UNC13B: variants seen among roughly 807,000 people sequenced by gnomAD.
UNC13B encodes the protein unc-13 homolog B, also known as protein unc-13 homolog B.
UNC13B carries 144 observed loss-of-function variants against 211.0 expected under a neutral mutation model. That is an observed-to-expected ratio of 0.68 (90% CI 0.60 to 0.78). The LOEUF (loss-of-function observed/expected upper bound fraction) is 0.78. Among genes scored for constraint, UNC13B ranks in the 30% least tolerant of loss-of-function variants. UNC13B has a pLI of 0.00. For missense variants in UNC13B, 1,777 were observed against 2,002.0 expected (o/e 0.89, Z 2.14); for synonymous variants, 709 against 725.8 (o/e 0.98, Z 0.37).
At chr9:35,327,401 C>G (rs1487006597) in intron 11 of UNC13B, among the ~76,000 whole-genome samples, 3 of 152,170 alleles carry the variant, frequency 2.0e-5, no homozygotes, top group African/African-American at 7.2e-5. Context: ...GACAGTACAG[C>G]CTTCAGTCTG....
At chr9:35,362,884 AAATAC>A (rs1833521990) in intron 11 of UNC13B, among the ~76,000 whole-genome samples, 3 of 151,990 alleles carry the variant, frequency 2.0e-5, no homozygotes, top group African/African-American at 7.2e-5. Context: ...ATTATGTGTT[AAATAC>A]CAATGAGAAG....
Position 35,307,864 on chromosome 9 carries a change from T to C in UNC13B, c.8460T>C (p.Ser2820=). 2.5e-6 allele frequency: 1 copy of C among 398,890 alleles called. No individual in the cohort carries two copies. Among genetic ancestry groups the C allele is most frequent in the Non-Finnish European group, 4.4e-6 (1 of 226,064 alleles). 24.7% of individuals were successfully genotyped at this position (398,890 alleles called of 1,614,324 possible). The part of the protein sequence containing the change: ...FKKLSTLFEG[S]SEGKGSVLAS... Reference sequence around the variant, plus strand: ...AGTTGTCAACTCTATTTGAGGGAAGTAGTGAGGGGAAAGGGAGTGTATTAG... The same window carrying C: ...AGTTGTCAACTCTATTTGAGGGAAGCAGTGAGGGGAAAGGGAGTGTATTAG... Residue 2820 remains serine, a synonymous_variant, in exon 9 of 40, where the codon AGT becomes AGC. Coordinates refer to ENST00000635942, the MANE Select transcript of UNC13B (RefSeq NM_001371189.2).
intron 1 of UNC13B, among the ~76,000 whole-genome samples, chr9:35,186,952 A>G (rs1042257887): frequency 7.2e-5 from 11 of 152,144 alleles, no homozygotes; most frequent in African/African-American, 2.7e-4. Flanking sequence ...CCCAATAAGA[A>G]GTTCTTGCAG....
Position 35,403,216 on chromosome 9 carries a change from G to A in UNC13B, c.12534G>A (p.Leu4178=), listed in dbSNP as rs769305056. 3 of 1,614,188 alleles carry A rather than the reference G, an allele frequency of 1.9e-6. No homozygotes were observed. The South Asian group carries it at 3.3e-5, about 18-fold the overall frequency. The change falls in exon 38 of 40, where the codon TTG becomes TTA. Residue 4178 remains leucine (L), a synonymous_variant. Transcript: ENST00000635942. ...PVGEVSIQVD[L]FTHPGTGEHK... Reference sequence around the variant, plus strand: ...GAGAAGTCTCTATTCAGGTGGACTTGTTTACACACCCTGGTACTGGGGAGC... The same window carrying A: ...GAGAAGTCTCTATTCAGGTGGACTTATTTACACACCCTGGTACTGGGGAGC...
intron 12 of UNC13B, among the ~76,000 whole-genome samples, chr9:35,367,820 G>A (rs1414112319): frequency 6.6e-6 from 1 of 152,202 alleles, no homozygotes; most frequent in Non-Finnish European, 1.5e-5. Flanking sequence ...AGTGTAGCCT[G>A]TAACTGACTG....
chr9:35,271,849 C>T (rs1018268101), intron 7 of UNC13B, among the ~76,000 whole-genome samples: 26 of 152,136 alleles, frequency 1.7e-4, no homozygotes, highest in Non-Finnish European at 2.6e-4. Context: ...CTACTTACAT[C>T]AAAACCATCC....
At chr9:35,255,032 A>AT (rs1290932798) in intron 6 of UNC13B, among the ~76,000 whole-genome samples, 9 of 119,368 alleles carry the variant, frequency 7.5e-5, no homozygotes, top group East Asian at 4.2e-4. Context: ...TATATAATAT[A>AT]ATATATATTA....
chr9:35,335,224 T>A (rs1378149021), intron 11 of UNC13B, among the ~76,000 whole-genome samples: 1 of 152,166 alleles, frequency 6.6e-6, no homozygotes, highest in East Asian at 1.9e-4. Flanking sequence ...AGTTAGCAGT[T>A]AAGTATCAGG....
chr9:35,219,796 T>A (rs1003297341), intron 1 of UNC13B, among the ~76,000 whole-genome samples: 4 of 152,152 alleles, frequency 2.6e-5, no homozygotes, highest in Non-Finnish European at 4.4e-5. Flanking sequence ...AGTTGAAATT[T>A]TCTTTACTGT....
At chr9:35,327,273 T>C (rs1831070823) in intron 11 of UNC13B, among the ~76,000 whole-genome samples, 1 of 152,174 alleles carries the variant, frequency 6.6e-6, no homozygotes, top group African/African-American at 2.4e-5. Flanking sequence ...TTAAGGAGAA[T>C]TGGCTTACAT....
At chr9:35,169,288 A>G (rs1274428837) in intron 1 of UNC13B, among the ~76,000 whole-genome samples, 1 of 152,152 alleles carries the variant, frequency 6.6e-6, no homozygotes, top group Non-Finnish European at 1.5e-5. Flanking sequence ...CAAGAGATTG[A>G]GGGTGTAGTG....
intron 11 of UNC13B, chr9:35,351,766 GAAC>G: frequency 8.1e-7 from 1 of 1,232,284 alleles, no homozygotes; most frequent in South Asian, 4.1e-5. Flanking sequence ...TTGGGCAGCA[GAAC>G]AACAGCCAGC....
At chr9:35,212,890 G>A (rs751836715) in intron 1 of UNC13B, among the ~76,000 whole-genome samples, 2 of 152,104 alleles carry the variant, frequency 1.3e-5, no homozygotes, top group Non-Finnish European at 1.5e-5. Context: ...CTAATAAATA[G>A]CCCAGCTAAT....
At chr9:35,378,818 T>C (rs1448171820) in intron 17 of UNC13B, among the ~76,000 whole-genome samples, 1 of 152,166 alleles carries the variant, frequency 6.6e-6, no homozygotes, top group Non-Finnish European at 1.5e-5. Context: ...AGGAAGGCTC[T>C]TATAAGGAGT....
At chr9:35,270,860 G>A (rs147221900) in intron 7 of UNC13B, among the ~76,000 whole-genome samples, 2,306 of 152,130 alleles carry the variant, frequency 0.015, 36 homozygotes, top group Non-Finnish European at 0.023. Context: ...GGCATTTTCG[G>A]CCAGGCACGG....
chr9:35,220,088 A>C (rs1481973262), intron 1 of UNC13B, among the ~76,000 whole-genome samples: 12 of 152,070 alleles, frequency 7.9e-5, no homozygotes, highest in Admixed American at 6.6e-4. Context: ...GAGTTTGTTT[A>C]TGCAGGTATA....
At chr9:35,376,474 C>G (rs1414459100) in intron 15 of UNC13B, among the ~76,000 whole-genome samples, 1 of 152,202 alleles carries the variant, frequency 6.6e-6, no homozygotes, top group Admixed American at 6.5e-5. Flanking sequence ...ATTCTTTGAG[C>G]TTTCTGTGGT....
chr9:35,396,525 C>A lies in UNC13B; in HGVS notation c.11358C>A (p.His3786Gln). The A allele has an allele frequency of 1.9e-6, 3 of 1,614,172 alleles. No individual in the cohort carries two copies. Among genetic ancestry groups the A allele is most frequent in the Non-Finnish European group, 2.5e-6 (3 of 1,180,024 alleles). Residue 3786 changes from histidine (H) to glutamine (Q), a missense_variant, in exon 27 of 40, where the codon CAC (histidine) becomes CAA (glutamine). His to Gln is a conservative substitution (Grantham distance 24, BLOSUM62 0). Transcript: ENST00000635942. ...AAAGTGCTGACTACATGAACCTGCACTTCAAGGTGAAGTGGCTCCACAATG... is the reference window on the plus strand; with the variant it reads ...AAAGTGCTGACTACATGAACCTGCAATTCAAGGTGAAGTGGCTCCACAATG... ...LCKSADYMNL[H>Q]FKVKWLHNEY...
chr9:35,183,951 C>T (rs1822168677), intron 1 of UNC13B, among the ~76,000 whole-genome samples: 2 of 148,018 alleles, frequency 1.4e-5, no homozygotes, highest in South Asian at 4.3e-4. Context: ...GTGCTCCTCA[C>T]CACCCAGACG....
Sources: gnomAD v4.1 joint callset for allele counts (sites outside exome capture counted in the v4.1 genomes callset) on GRCh38, gnomAD v4.1.1 for gene constraint, MANE v1.5 for transcripts, NCBI Gene and HGNC (gene_info 2026-07-23, HGNC 2026-07-21) for gene names.